The following POLDIP3 variants were observed in gnomAD, a reference collection of about 807,000 sequenced individuals.
The protein encoded by POLDIP3 is DNA polymerase delta interacting protein 3.
POLDIP3 carries 14 observed loss-of-function variants against 45.1 expected under a neutral mutation model. The observed-to-expected ratio is 0.31, with a 90% confidence interval of 0.20 to 0.49. POLDIP3 has a LOEUF of 0.49. POLDIP3 is among the 20% of genes least tolerant of loss of function. The probability of loss-of-function intolerance (pLI) is 0.99; values close to 1 mark genes in which losing one functional copy is unlikely to be tolerated. For missense variants in POLDIP3, 511 were observed against 538.8 expected (o/e 0.95, Z 0.51); for synonymous variants, 223 against 205.2 (o/e 1.09, Z -0.74).
chr22:42,590,073 T>A (rs1054630581), intron 7 of POLDIP3, among the ~76,000 whole-genome samples: 2 of 151,744 alleles, frequency 1.3e-5, no homozygotes, highest in African/African-American at 4.8e-5. Flanking sequence ...AAATAACCAA[T>A]GGGTCAAAGG....
intron 1 of POLDIP3, among the ~76,000 whole-genome samples, chr22:42,610,332 A>G (rs1927044024): frequency 2.6e-5 from 4 of 152,140 alleles, no homozygotes; most frequent in Admixed American, 2.0e-4. Flanking sequence ...TTCAACAAGG[A>G]AACAAGCAGT....
At chr22:42,587,664 A>T (rs1183587091) in intron 7 of POLDIP3, 92 bp from the exon 8 acceptor site, 2 of 1,231,478 alleles carry the variant, frequency 1.6e-6, no homozygotes, top group African/African-American at 3.0e-5. Flanking sequence ...TCAATGGTCA[A>T]AGCACCCACC....
Position 42,602,040 on chromosome 22 carries a change from G to A in POLDIP3, c.467C>T (p.Ala156Val). ...AGGATGGGGATGAAGTGGTGCCATG[G>A]CTTTCTGCTGTGGAACCTGGAAACA... ...TKTIQVPQQK[A>V]MAPLHPHPAG... The change falls in exon 3 of 9, where the codon GCC (alanine) becomes GTC (valine). Residue 156 changes from alanine (A) to valine (V), a missense_variant. Ala to Val is a moderately conservative substitution (Grantham distance 64). Coordinates refer to ENST00000252115, the MANE Select transcript of POLDIP3 (RefSeq NM_032311.5). 1.9e-6 allele frequency: 3 copies of A among 1,614,106 alleles called. No homozygotes were observed. The highest frequency in any genetic ancestry group is 2.5e-6 in the Non-Finnish European group (3 of 1,179,998).
At chr22:42,612,369 C>A (rs1390798505) in intron 1 of POLDIP3, among the ~76,000 whole-genome samples, 1 of 152,148 alleles carries the variant, frequency 6.6e-6, no homozygotes. Flanking sequence ...TGCAGACGGT[C>A]CTAGGGAAAG....
chr22:42,588,755 A>G (rs1925483029), intron 7 of POLDIP3, among the ~76,000 whole-genome samples: 2 of 151,592 alleles, frequency 1.3e-5, no homozygotes, highest in Admixed American at 6.6e-5. Context: ...CAGCCTCCGG[A>G]GTAACTGGGA....
rs142358491 is a variant in POLDIP3, at chr22:42,609,732, C to T, written c.59+5067G>A. Among the ~76,000 whole-genome samples, 462 of 151,154 alleles carry T rather than the reference C, an allele frequency of 3.1e-3. 1 individual carries two copies. Among genetic ancestry groups the T allele is most frequent in the Middle Eastern group, 0.01 (3 of 290 alleles). On this transcript the variant is annotated intron_variant, in intron 1 of 8. Coordinates refer to ENST00000252115, the MANE Select transcript of POLDIP3 (RefSeq NM_032311.5). Reference sequence around the variant, plus strand: ...CAAGATTCCGTCTTATAAAAACAAACAAAAAAAGCTTCTGGGTTAGGGGGT... The same window carrying T: ...CAAGATTCCGTCTTATAAAAACAAATAAAAAAAGCTTCTGGGTTAGGGGGT...
intron 2 of POLDIP3, 89 bp from the exon 3 acceptor site, chr22:42,602,145 G>A (rs766143907): frequency 1.4e-5 from 22 of 1,596,084 alleles, no homozygotes; most frequent in Non-Finnish European, 1.9e-5. Flanking sequence ...TACATGGTGG[G>A]CATGCAGCTT....
At chr22:42,593,579 G>A (rs1292452790) in intron 6 of POLDIP3, among the ~76,000 whole-genome samples, 6 of 152,266 alleles carry the variant, frequency 3.9e-5, no homozygotes, top group Middle Eastern at 3.4e-3. Context: ...GTGCAATGGC[G>A]TGACCTCGGC....
chr22:42,603,909 T>C (rs1477223707), intron 1 of POLDIP3, among the ~76,000 whole-genome samples: 1 of 152,194 alleles, frequency 6.6e-6, no homozygotes, highest in Non-Finnish European at 1.5e-5. Flanking sequence ...GGAACAAACA[T>C]GTACATGTAC....
chr22:42,602,896 G>A lies in POLDIP3; in HGVS notation c.324C>T (p.Pro108=). ...CATCAGCAACCTGGCGGGGCTTCTG[G>A]GGCACCGTGGTCTGCTGCTTGCGAG... The part of the protein sequence containing the change: ...LNSRKQQTTV[P]QKPRQVADAR... The change falls in exon 2 of 9, where the codon CCC becomes CCT. Residue 108 remains proline, a synonymous_variant. Transcript: ENST00000252115. 6.2e-7 allele frequency: 1 copy of A among 1,613,982 alleles called. No individual in the cohort carries two copies.
intron 8 of POLDIP3, among the ~76,000 whole-genome samples, chr22:42,586,374 G>C (rs1408944861): frequency 6.6e-6 from 1 of 152,018 alleles, no homozygotes; most frequent in African/African-American, 2.4e-5. Flanking sequence ...CTGTCACCCA[G>C]GCTGAAGTGC....
intron 1 of POLDIP3, among the ~76,000 whole-genome samples, chr22:42,608,426 A>T (rs1281822677): frequency 6.6e-6 from 1 of 151,952 alleles, no homozygotes; most frequent in Non-Finnish European, 1.5e-5. Flanking sequence ...CTGTCTCAAA[A>T]ATCAAAACAA....
chr22:42,593,106 T>C (rs568273496), intron 6 of POLDIP3, among the ~76,000 whole-genome samples: 2 of 152,246 alleles, frequency 1.3e-5, no homozygotes, highest in Non-Finnish European at 2.9e-5. Flanking sequence ...TCATCCACTA[T>C]ACTTTAAATC....
intron 4 of POLDIP3, 51 bp from the exon 5 acceptor site, chr22:42,596,416 G>T: frequency 6.4e-7 from 1 of 1,553,786 alleles, no homozygotes; most frequent in East Asian, 2.2e-5. Flanking sequence ...GCAATGTTCT[G>T]AAGAAGCCCC....
At chr22:42,609,059 G>A (rs960361706) in intron 1 of POLDIP3, among the ~76,000 whole-genome samples, 1 of 152,322 alleles carries the variant, frequency 6.6e-6, no homozygotes, top group South Asian at 2.1e-4. Context: ...ACTCCTGCCA[G>A]GGGTAGGTCT....
At position 42,584,956 on chromosome 22, in the gene POLDIP3, C is replaced by T. The variant is rs1182975934; in HGVS notation, c.*835G>A. 2 of 456,314 alleles carry T rather than the reference C, an allele frequency of 4.4e-6. No homozygotes were observed. The highest frequency in any genetic ancestry group is 4.4e-6 in the Non-Finnish European group (1 of 226,972). 28.3% of individuals were successfully genotyped at this position (456,314 alleles called of 1,614,324 possible). A position where few individuals can be genotyped will look rare whatever the true frequency, so the allele number is the denominator to read the frequency against. On this transcript the variant is annotated 3_prime_UTR_variant, in exon 9 of 9. Coordinates refer to ENST00000252115, the MANE Select transcript of POLDIP3 (RefSeq NM_032311.5). ...TTTCAAAGGCCCAACCAGAAGAGAG[C>T]TGGCGGCTACACAAAACCAGGGTGT...
At chr22:42,588,273 G>A (rs1023499896) in intron 7 of POLDIP3, among the ~76,000 whole-genome samples, 2 of 151,998 alleles carry the variant, frequency 1.3e-5, no homozygotes, top group African/African-American at 4.8e-5. Flanking sequence ...GGCTAACATG[G>A]TGAAACCCCG....
At position 42,591,989 on chromosome 22, in the gene POLDIP3, G is replaced by A. The variant is rs138836923; in HGVS notation, c.987C>T (p.Thr329=). The part of the protein sequence containing the change: ...VVFVKKDDAI[T]AYKKYNNRCL... ...ACCGGTTGTTGTACTTCTTATATGC[G>A]GTGATGGCATCGTCCTTTTTCACAA... Residue 329 remains threonine, a synonymous_variant, in exon 7 of 9, where the codon ACC becomes ACT. Coordinates refer to ENST00000252115, the MANE Select transcript of POLDIP3 (RefSeq NM_032311.5). 8.1e-6 allele frequency: 13 copies of A among 1,614,054 alleles called. No homozygotes were observed. The highest frequency in any genetic ancestry group is 6.6e-5 in the South Asian group (6 of 91,080).
At position 42,596,267 on chromosome 22, in the gene POLDIP3, A is replaced by G; in HGVS notation, c.732T>C (p.Ser244=). 6.2e-7 allele frequency: 1 copy of G among 1,614,162 alleles called. No homozygotes were observed. Among genetic ancestry groups the G allele is most frequent in the Non-Finnish European group, 8.5e-7 (1 of 1,179,992 alleles). ...TGTTGGTCAAGGCTTTTGTTCGAATAGAGGAAGGGAGAGCAGGAGCTGTGT... is the reference window on the plus strand; with the variant it reads ...TGTTGGTCAAGGCTTTTGTTCGAATGGAGGAAGGGAGAGCAGGAGCTGTGT... ...DAYTAPALPS[S]IRTKALTNMS... The change falls in exon 5 of 9, where the codon TCT becomes TCC. Residue 244 remains serine (S), a synonymous_variant. Transcript: ENST00000252115.
Sources: gnomAD v4.1 joint callset for allele counts (sites outside exome capture counted in the v4.1 genomes callset) on GRCh38, gnomAD v4.1.1 for gene constraint, MANE v1.5 for transcripts, NCBI Gene and HGNC (gene_info 2026-07-23, HGNC 2026-07-21) for gene names.